The following AGBL1 variants were observed in gnomAD, a reference collection of about 807,000 sequenced individuals.
The protein encoded by AGBL1 is AGBL carboxypeptidase 1.
A neutral mutation model predicts 118.9 loss-of-function variants in AGBL1; 130 were observed. The observed-to-expected ratio is 1.09, with a 90% CI of 0.95 to 1.26. The LOEUF is 1.26. Ranked by LOEUF, AGBL1 falls within the 50% of genes most tolerant of loss-of-function variation. The probability of loss-of-function intolerance (pLI) is 0.00; values close to 1 mark genes in which losing one functional copy is unlikely to be tolerated. For missense variants in AGBL1, 1,584 were observed against 1,298.1 expected, an observed-to-expected ratio of 1.22 and a Z score of -3.38; for synonymous variants, 555 against 478.9, an observed-to-expected ratio of 1.16 and a Z score of -2.08.
At chr15:86,149,995 A>C (rs1025310636) in intron 3 of AGBL1, among the ~76,000 whole-genome samples, 1 of 152,212 alleles carries the variant, frequency 6.6e-6, no homozygotes, top group African/African-American at 2.4e-5. Flanking sequence ...GCACAACTAC[A>C]TGGAAACTGA....
At chr15:86,524,367 A>G (rs142777374) in intron 19 of AGBL1, among the ~76,000 whole-genome samples, 4 of 152,338 alleles carry the variant, frequency 2.6e-5, no homozygotes, top group East Asian at 3.9e-4. Context: ...CCTTCAGAGG[A>G]CACAGATTAA....
intron 18 of AGBL1, among the ~76,000 whole-genome samples, chr15:86,463,853 T>G (rs528238822): frequency 3.9e-5 from 6 of 152,334 alleles, no homozygotes; most frequent in African/African-American, 1.2e-4. Flanking sequence ...CCTTGTAGTA[T>G]AGTTTGAAGT....
intron 1 of AGBL1, among the ~76,000 whole-genome samples, chr15:86,111,449 G>C (rs1000644365): frequency 2.0e-5 from 3 of 152,182 alleles, no homozygotes; most frequent in African/African-American, 4.8e-5. Flanking sequence ...TGGAATTTGG[G>C]TGTCAAGGTA....
intron 1 of AGBL1, among the ~76,000 whole-genome samples, chr15:86,132,087 T>C (rs1481133952): frequency 6.6e-6 from 1 of 152,146 alleles, no homozygotes; most frequent in Non-Finnish European, 1.5e-5. Context: ...CATTACCCAC[T>C]ACTTTAAAGA....
intron 6 of AGBL1, among the ~76,000 whole-genome samples, chr15:86,227,162 C>G (rs1353214186): frequency 6.6e-6 from 1 of 152,224 alleles, no homozygotes; most frequent in Admixed American, 6.5e-5. Flanking sequence ...AACCAATGAT[C>G]TAAACATTTG....
At chr15:86,850,382 C>T (rs755649378) in intron 22 of AGBL1, among the ~76,000 whole-genome samples, 1 of 152,324 alleles carries the variant, frequency 6.6e-6, no homozygotes, top group South Asian at 2.1e-4. Context: ...CTTATCTCTG[C>T]TCCTGCCCCC....
chr15:86,625,137 G>T (rs536246172), intron 21 of AGBL1, among the ~76,000 whole-genome samples: 4 of 152,220 alleles, frequency 2.6e-5, no homozygotes, highest in African/African-American at 9.6e-5. Flanking sequence ...GACCAGGCAG[G>T]GGGTCAAGAG....
chr15:86,474,192 C>T (rs907473230), intron 18 of AGBL1, among the ~76,000 whole-genome samples: 12 of 152,088 alleles, frequency 7.9e-5, no homozygotes, highest in Non-Finnish European at 1.0e-4. Context: ...ACTGAGGTAC[C>T]GGGTTCATCT....
intron 22 of AGBL1, among the ~76,000 whole-genome samples, chr15:86,838,941 T>TTAA (rs1269304671): frequency 6.2e-5 from 3 of 48,006 alleles, no homozygotes; most frequent in African/African-American, 9.0e-5. Flanking sequence ...TGAGATCCTG[T>TTAA]AAAAAAAAAA....
intron 5 of AGBL1, among the ~76,000 whole-genome samples, chr15:86,177,433 A>G (rs1232406612): frequency 6.6e-6 from 1 of 152,226 alleles, no homozygotes; most frequent in Non-Finnish European, 1.5e-5. Context: ...AAATAACACT[A>G]TCAATGAATG....
chr15:86,647,741 T>A (rs951988602), intron 21 of AGBL1, among the ~76,000 whole-genome samples: 4 of 152,214 alleles, frequency 2.6e-5, no homozygotes, highest in Non-Finnish European at 2.9e-5. Context: ...CAATATACAA[T>A]GCACAATAAA....
chr15:86,380,976 G>GT (rs1174863670), intron 17 of AGBL1, among the ~76,000 whole-genome samples: 31 of 152,092 alleles, frequency 2.0e-4, no homozygotes, highest in Middle Eastern at 3.4e-3. Context: ...CACTGTGCTT[G>GT]TTTCTAATTA....
intron 21 of AGBL1, among the ~76,000 whole-genome samples, chr15:86,590,256 C>A (rs1017492105): frequency 6.6e-6 from 1 of 152,150 alleles, no homozygotes; most frequent in East Asian, 1.9e-4. Flanking sequence ...CCAATCTCAC[C>A]TTGAATTATA....
At chr15:86,902,843 G>T (rs2141584150) in intron 22 of AGBL1, among the ~76,000 whole-genome samples, 1 of 152,222 alleles carries the variant, frequency 6.6e-6, no homozygotes, top group East Asian at 1.9e-4. Flanking sequence ...TTTTAAGTTT[G>T]TCTTTAGTTG....
intron 5 of AGBL1, among the ~76,000 whole-genome samples, chr15:86,206,238 C>A (rs8037004): frequency 0.46 from 70,114 of 151,904 alleles, 16,735 homozygotes; most frequent in South Asian, 0.67. Context: ...GTTGGTTCCA[C>A]GTTTTTGGTA....
intron 5 of AGBL1, among the ~76,000 whole-genome samples, chr15:86,196,166 G>T (rs1029134811): frequency 6.6e-6 from 1 of 152,026 alleles, no homozygotes; most frequent in Admixed American, 6.5e-5. Context: ...GACTTTGGCC[G>T]CATGTAGCAT....
intron 18 of AGBL1, among the ~76,000 whole-genome samples, chr15:86,408,013 C>A (rs962746288): frequency 6.6e-5 from 10 of 152,134 alleles, no homozygotes; most frequent in African/African-American, 2.4e-4. Context: ...GCAGCGCAGA[C>A]CAGCAAAGGC....
At chr15:86,669,569 C>G in intron 21 of AGBL1, among the ~76,000 whole-genome samples, 1 of 152,032 alleles carries the variant, frequency 6.6e-6, no homozygotes, top group East Asian at 1.9e-4. Flanking sequence ...TCAATAAATT[C>G]TAAATAAAAG....
intron 1 of AGBL1, among the ~76,000 whole-genome samples, chr15:86,092,916 T>C (rs1283218533): frequency 1.3e-5 from 2 of 152,206 alleles, no homozygotes; most frequent in Non-Finnish European, 2.9e-5. Flanking sequence ...AATTATCTCT[T>C]ATAGGTTCTA....
Sources: gnomAD v4.1 joint callset for allele counts (sites outside exome capture counted in the v4.1 genomes callset) on GRCh38, gnomAD v4.1.1 for gene constraint, MANE v1.5 for transcripts, NCBI Gene and HGNC (gene_info 2026-07-23, HGNC 2026-07-21) for gene names.